The following LHB variants were observed in gnomAD, a reference collection of about 807,000 sequenced individuals.
The protein encoded by LHB is lutropin subunit beta.
Under a neutral mutation model 10.6 loss-of-function variants are expected in LHB, and 11 were observed. That is an observed-to-expected ratio of 1.04 (90% CI 0.66 to 1.72). The LOEUF (loss-of-function observed/expected upper bound fraction) is 1.72, where lower values mean the gene tolerates loss of function less well. Ranked by LOEUF, LHB falls within the 40% of genes most tolerant of loss-of-function variation. The probability of loss-of-function intolerance (pLI) is 0.00; values close to 1 mark genes in which losing one functional copy is unlikely to be tolerated. For missense variants in LHB, 184 were observed against 197.3 expected (o/e 0.93, Z 0.41); for synonymous variants, 86 against 83.1 (o/e 1.03, Z -0.19).
chr19:49,017,319 C>T (rs2387590), upstream of LHB, among the ~76,000 whole-genome samples: 71,450 of 151,856 alleles, frequency 0.47, 17,120 homozygotes, highest in Admixed American at 0.56. Flanking sequence ...CCTCAGAGAC[C>T]CAGTTGTCGA....
At chr19:49,019,459 G>A (rs2122686407), upstream of LHB, 1 of 1,253,356 alleles carries the variant, frequency 8.0e-7, no homozygotes. Flanking sequence ...TAGGAGCCCT[G>A]AAGGTGAGTT....
Position 49,016,182 on chromosome 19 carries a change from C to T in LHB, c.312G>A (p.Val104=), listed in dbSNP as rs370781314. 27 of 1,612,504 alleles carry T rather than the reference C, an allele frequency of 1.7e-5. No individual in the cohort carries two copies. Among genetic ancestry groups the T allele is most frequent in the Non-Finnish European group, 2.2e-5 (26 of 1,179,984 alleles). Residue 104 remains valine (V), a synonymous_variant, in exon 3 of 3, where the codon GTG becomes GTA. Transcript: ENST00000649238. ...AGGGTCCACAGCGACAGCTGAGAGCCACAGGGAAGGAGACCACGGGGTCCA... is the reference window on the plus strand; with the variant it reads ...AGGGTCCACAGCGACAGCTGAGAGCTACAGGGAAGGAGACCACGGGGTCCA... ...RGVDPVVSFP[V]ALSCRCGPCR... is the part of the protein sequence containing the mutation.
chr19:49,018,411 A>G (rs1600208021), upstream of LHB: 3 of 944,934 alleles, frequency 3.2e-6, no homozygotes, highest in Non-Finnish European at 1.4e-6. Flanking sequence ...CTCGGGATCT[A>G]AGGAGTCTGC....
upstream of LHB, chr19:49,019,450 A>G (rs557503682): frequency 6.9e-4 from 866 of 1,256,374 alleles, 10 homozygotes; most frequent in South Asian, 0.016. Flanking sequence ...GCAGCAGCTT[A>G]GGAGCCCTGA....
upstream of LHB, chr19:49,018,830 G>C: frequency 6.8e-7 from 1 of 1,473,496 alleles, no homozygotes; most frequent in Non-Finnish European, 9.2e-7. Context: ...CGGCCACGGC[G>C]GGGGCTGTGC....
upstream of LHB, chr19:49,017,224 C>T (rs114717203): frequency 1.2e-3 from 1,658 of 1,436,938 alleles, 11 homozygotes; most frequent in African/African-American, 0.019. Flanking sequence ...GCCAGGGAGG[C>T]GCAGGAGTGG....
rs1454408984 is a variant in LHB, at chr19:49,016,558, A to T, written c.172T>A (p.Cys58Ser). 1.2e-6 allele frequency: 2 copies of T among 1,608,422 alleles called. No individual in the cohort carries two copies. The highest frequency in any genetic ancestry group is 1.7e-6 in the Non-Finnish European group (2 of 1,179,522). Residue 58 changes from cysteine (C) to serine (S), a missense_variant, in exon 2 of 3, where the codon TGC becomes AGC. Physicochemically the swap from Cys to Ser is moderately radical, Grantham distance 112. Transcript: ENST00000649238. ...TVNTTICAGY[C>S]PTMMRVLQAV... ...CCCAGGCAGCTCACCATGGTGGGGC[A>T]GTAGCCGGCACAGATGGTGGTGTTG...
intron 1 of LHB, 64 bp downstream of exon 1, chr19:49,017,003 C>T (rs1358664437): frequency 8.1e-6 from 13 of 1,612,686 alleles, no homozygotes; most frequent in Non-Finnish European, 1.0e-5. Flanking sequence ...ACGGGTCTGC[C>T]CCTTCTCATG....
upstream of LHB, chr19:49,017,999 C>T (rs938110247): frequency 5.0e-6 from 2 of 398,590 alleles, no homozygotes; most frequent in African/African-American, 4.1e-5. Flanking sequence ...GCTGCCATAG[C>T]TGGAGTTCTC....
rs201674286 is a variant in LHB, at chr19:49,016,960, C to T, written c.15+107G>A. 0.074 allele frequency: 118,520 copies of T among 1,600,438 alleles called. 5,106 individuals are homozygous for T. The highest frequency in any genetic ancestry group is 0.087 in the Middle Eastern group (395 of 4,544). ...ACCTGAAGCTTACTGGGGGTCATGC[C>T]CCTCCAGAAAGAGGCCTCCTTCCAC... On this transcript the variant is annotated intron_variant, in intron 1 of 2. Coordinates refer to ENST00000649238, the MANE Select transcript of LHB (RefSeq NM_000894.3).
upstream of LHB, chr19:49,017,114 T>C: frequency 6.2e-7 from 1 of 1,613,936 alleles, no homozygotes; most frequent in Non-Finnish European, 8.5e-7. Flanking sequence ...TGTATCTGGC[T>C]ATATACCTCG....
upstream of LHB, chr19:49,018,776 A>T: frequency 9.3e-7 from 1 of 1,074,488 alleles, no homozygotes; most frequent in Non-Finnish European, 1.3e-6. Flanking sequence ...GGCTGAGACC[A>T]CCGGCTCAGG....
rs746347011 is a variant in LHB at position 49,015,998 on chromosome 19, T to C, written c.*70A>G. The C allele has an allele frequency of 6.2e-7, 1 of 1,613,972 alleles. No homozygotes were observed. Among genetic ancestry groups the C allele is most frequent in the Non-Finnish European group, 8.5e-7 (1 of 1,180,016 alleles). On this transcript the variant is annotated 3_prime_UTR_variant, in exon 3 of 3. Coordinates refer to ENST00000649238, the MANE Select transcript of LHB (RefSeq NM_000894.3). ...TCCAGAGTGCGGATTGAGAAGCCTTTATTGTGGGAGGATCGGGGTGTCAGG... is the reference window on the plus strand; with the variant it reads ...TCCAGAGTGCGGATTGAGAAGCCTTCATTGTGGGAGGATCGGGGTGTCAGG...
At chr19:49,017,553 G>A (rs2039578379), upstream of LHB, 19 of 1,102,168 alleles carry the variant, frequency 1.7e-5, no homozygotes, top group Non-Finnish European at 2.1e-5. Flanking sequence ...GGGTCTCCCC[G>A]TGACTGTGCT....
chr19:49,018,896 C>T (rs1195018639), upstream of LHB: 1 of 1,534,434 alleles, frequency 6.5e-7, no homozygotes, highest in Non-Finnish European at 8.7e-7. Context: ...GAAAGTCCCG[C>T]GCCGAGGTGG....
intron 1 of LHB, 174 bp from the exon 2 acceptor site, chr19:49,016,888 C>A: frequency 6.3e-7 from 1 of 1,584,086 alleles, no homozygotes; most frequent in South Asian, 1.1e-5. Flanking sequence ...GCCCAGAGGA[C>A]CTGAGATGCC....
chr19:49,018,405 G>C (rs1047818963), upstream of LHB: 15 of 988,232 alleles, frequency 1.5e-5, no homozygotes, highest in African/African-American at 2.2e-4. Flanking sequence ...TCAGACCTCG[G>C]GATCTAAGGA....
At chr19:49,016,776 A>G (rs761870011) in intron 1 of LHB, 62 bp from the exon 2 acceptor site, 22 of 1,603,582 alleles carry the variant, frequency 1.4e-5, no homozygotes, top group South Asian at 2.2e-5. Flanking sequence ...TGGCCTTCCC[A>G]TCCCGCGTGG....
chr19:49,017,205 G>A, upstream of LHB: 1 of 1,508,802 alleles, frequency 6.6e-7, no homozygotes, highest in Non-Finnish European at 9.2e-7. Flanking sequence ...GGGGCGAGAG[G>A]TGCACATGGC....
Sources: gnomAD v4.1 joint callset for allele counts (sites outside exome capture counted in the v4.1 genomes callset) on GRCh38, gnomAD v4.1.1 for gene constraint, MANE v1.5 for transcripts, NCBI Gene and HGNC (gene_info 2026-07-23, HGNC 2026-07-21) for gene names.